PLXNA4: variants seen among roughly 807,000 people sequenced by gnomAD.
PLXNA4 encodes plexin-A4.
PLXNA4 carries 44 observed loss-of-function variants against 191.8 expected under a neutral mutation model. That is an observed-to-expected ratio of 0.23 (90% CI 0.18 to 0.29). The LOEUF (loss-of-function observed/expected upper bound fraction) is 0.29. Ranked by LOEUF, PLXNA4 falls within the 10% of genes least tolerant of loss-of-function variation. The pLI is 1.00. For synonymous variants in PLXNA4, 1,082 were observed against 1,009.5 expected (o/e 1.07, Z -1.36); for missense variants, 1,800 against 2,488.8 (o/e 0.72, Z 5.89).
chr7:132,507,379 A>G (rs1798508144), intron 2 of PLXNA4, 127 bp downstream of exon 2: 1 of 1,042,080 alleles, frequency 9.6e-7, no homozygotes, highest in East Asian at 2.6e-5. Flanking sequence ...AGACTCAGAG[A>G]TGGGATGGGA....
At chr7:132,313,823 C>T (rs1801841493) in intron 3 of PLXNA4, among the ~76,000 whole-genome samples, 1 of 152,112 alleles carries the variant, frequency 6.6e-6, no homozygotes, top group South Asian at 2.1e-4. Flanking sequence ...TTTAGACGAC[C>T]ACCATGGCAG....
intron 1 of PLXNA4, among the ~76,000 whole-genome samples, chr7:132,562,954 T>TCCCC (rs1801331713): frequency 1.2e-4 from 4 of 34,738 alleles, no homozygotes; most frequent in East Asian, 1.2e-3. Flanking sequence ...CTCCTCCTCC[T>TCCCC]CTCCCTCCTC....
intron 10 of PLXNA4, among the ~76,000 whole-genome samples, chr7:132,206,437 G>GGTGGGTGTGT (rs1797619396): frequency 6.7e-6 from 1 of 148,334 alleles, no homozygotes; most frequent in African/African-American, 2.5e-5. Context: ...TATGTTTTCT[G>GGTGGGTGTGT]GTGTGTGTGT....
chr7:132,621,014 G>A (rs1803249885), intron 2 of PLXNA4, among the ~76,000 whole-genome samples: 1 of 151,918 alleles, frequency 6.6e-6, no homozygotes. Context: ...TTCTTATAAG[G>A]GCACTAATTT....
At chr7:132,562,343 TC>T (rs1801218464) in intron 1 of PLXNA4, among the ~76,000 whole-genome samples, 1 of 100,854 alleles carries the variant, frequency 9.9e-6, no homozygotes, top group Non-Finnish European at 2.0e-5. Context: ...TCCTCCTCCT[TC>T]TTCTCCTTCC....
At chr7:132,614,956 C>T (rs1366194861) in intron 2 of PLXNA4, among the ~76,000 whole-genome samples, 1 of 152,182 alleles carries the variant, frequency 6.6e-6, no homozygotes, top group African/African-American at 2.4e-5. Flanking sequence ...TTCTGAAATC[C>T]TGCCCCCTGG....
At chr7:132,175,702 T>G (rs62469711) in intron 20 of PLXNA4, among the ~76,000 whole-genome samples, 3,866 of 152,302 alleles carry the variant, frequency 0.025, 77 homozygotes, top group Non-Finnish European at 0.04. Flanking sequence ...TATTCCGTTC[T>G]GGAAACATCC....
chr7:132,592,868 T>G (rs1017287), intron 2 of PLXNA4, among the ~76,000 whole-genome samples: 2 of 149,508 alleles, frequency 1.3e-5, no homozygotes, highest in African/African-American at 4.9e-5. Context: ...AAAAAAAATT[T>G]AAAAAAAAAA....
chr7:132,335,684 C>T (rs752089104), intron 3 of PLXNA4, among the ~76,000 whole-genome samples: 10 of 152,212 alleles, frequency 6.6e-5, no homozygotes, highest in African/African-American at 1.7e-4. Flanking sequence ...AAACCATCAA[C>T]GAATATGAGT....
chr7:132,363,913 G>A (rs532144188), intron 3 of PLXNA4, among the ~76,000 whole-genome samples: 5 of 152,256 alleles, frequency 3.3e-5, no homozygotes, highest in Non-Finnish European at 7.3e-5. Flanking sequence ...GGGGCACATG[G>A]CAAATTGCCC....
At chr7:132,321,930 A>T (rs908986155) in intron 3 of PLXNA4, among the ~76,000 whole-genome samples, 6 of 152,178 alleles carry the variant, frequency 3.9e-5, no homozygotes, top group African/African-American at 1.4e-4. Context: ...AAATTAGCAG[A>T]GTATCTGGGC....
intron 3 of PLXNA4, among the ~76,000 whole-genome samples, chr7:132,318,982 C>A (rs1382777565): frequency 2.0e-5 from 3 of 152,130 alleles, no homozygotes; most frequent in Non-Finnish European, 4.4e-5. Flanking sequence ...GGCCCCGCAG[C>A]GCTTGTCAGG....
In PLXNA4 at chr7:132,327,012, AAG is replaced by A. The variant is rs545452421; in HGVS notation, c.1372-28792_1372-28791del. On this transcript the variant is annotated intron_variant, in intron 3 of 31. Coordinates refer to ENST00000321063, the MANE Select transcript of PLXNA4 (RefSeq NM_020911.2). ...GCGAAGGAGGGAGGGAAGGAAGAAA[AAG>A]AGGGAAGAGAGGAAGGAAGAAAAGA... Among the ~76,000 whole-genome samples the A allele has an allele frequency of 2.9e-4, 42 of 146,728 alleles. 1 individual carries two copies. The South Asian group carries it at 6.4e-3, about 22-fold the overall frequency.
chr7:132,497,304 G>A (rs1798065703), intron 2 of PLXNA4, among the ~76,000 whole-genome samples: 1 of 152,208 alleles, frequency 6.6e-6, no homozygotes. Flanking sequence ...CTGCAGTACA[G>A]GGAGATAATG....
chr7:132,257,723 T>C (rs1001613774), intron 4 of PLXNA4, among the ~76,000 whole-genome samples: 2 of 152,196 alleles, frequency 1.3e-5, no homozygotes, highest in Non-Finnish European at 2.9e-5. Context: ...GAGTGGGCCA[T>C]TAGTTCTGAC....
intron 2 of PLXNA4, among the ~76,000 whole-genome samples, chr7:132,633,662 G>A (rs1331579586): frequency 1.3e-5 from 2 of 152,130 alleles, no homozygotes; most frequent in Non-Finnish European, 2.9e-5. Context: ...AATAGTTAAA[G>A]GCAAGGATCT....
At chr7:132,214,810 C>T (rs977943846) in intron 9 of PLXNA4, among the ~76,000 whole-genome samples, 3 of 152,148 alleles carry the variant, frequency 2.0e-5, no homozygotes, top group African/African-American at 7.2e-5. Flanking sequence ...CCCCACTCCT[C>T]GGCTAGTTTC....
chr7:132,298,173 T>A lies in PLXNA4; in HGVS notation c.1421A>T (p.Gln474Leu), dbSNP rs1355876382. Residue 474 changes from glutamine to leucine, a missense_variant, in exon 4 of 32, where the codon CAG becomes CTG. Gln to Leu is a moderately radical substitution (Grantham distance 113). Transcript: ENST00000321063. ...RGNALQYETV[Q>L]VVDPGPVLRD... ...GAGGACTGGGCCGGGGTCCACCACC[T>A]GCACCGTCTCATACTGGAGGGCGTT... The A allele has an allele frequency of 6.2e-7, 1 of 1,614,200 alleles. No individual in the cohort carries two copies. Among genetic ancestry groups the A allele is most frequent in the Non-Finnish European group, 8.5e-7 (1 of 1,180,024 alleles).
rs1415521557 is a variant in PLXNA4, at chr7:132,129,802, G to A, written c.*677C>T. ...CAGGCAGGGCAGGCAGGTCCCTCTG[G>A]AGACCTGGAAAAGGACAGGAAGCCT... On this transcript the variant is annotated 3_prime_UTR_variant, in exon 32 of 32. Coordinates refer to ENST00000321063, the MANE Select transcript of PLXNA4 (RefSeq NM_020911.2). 1.3e-5 allele frequency: 2 copies of A among 152,760 alleles called. No homozygotes were observed. The highest frequency in any genetic ancestry group is 2.9e-5 in the Non-Finnish European group (2 of 68,192). The allele number at this position is 152,760 out of a possible 1,614,324, so 9.5% of individuals were successfully genotyped here.
Sources: allele counts gnomAD v4.1 joint callset (sites outside exome capture counted in the v4.1 genomes callset), GRCh38; gene constraint gnomAD v4.1.1; transcripts MANE v1.5; gene names NCBI Gene and HGNC (gene_info 2026-07-23, HGNC 2026-07-21).